The following DDAH1 variants were observed in gnomAD, a reference collection of about 807,000 sequenced individuals.
The protein encoded by DDAH1 is N(G),N(G)-dimethylarginine dimethylaminohydrolase 1.
DDAH1 carries 19 observed loss-of-function variants against 28.8 expected under a neutral mutation model. The ratio of observed to expected loss-of-function variants is 0.66; its 90% CI spans 0.46 to 0.97. DDAH1 has a LOEUF of 0.97. Ranked by LOEUF, DDAH1 falls within the 50% of genes least tolerant of loss-of-function variation. DDAH1 has a pLI of 0.00. For synonymous variants in DDAH1, 153 were observed against 154.4 expected (o/e 0.99, Z 0.07); for missense variants, 326 against 375.9 (o/e 0.87, Z 1.10).
intron 1 of DDAH1, among the ~76,000 whole-genome samples, chr1:85,365,084 T>G (rs956093945): frequency 1.3e-5 from 2 of 152,192 alleles, no homozygotes; most frequent in Non-Finnish European, 2.9e-5. Context: ...TTAACCTTAT[T>G]TAACTTTTAC....
At chr1:85,369,760 G>C (rs889720886) in intron 1 of DDAH1, among the ~76,000 whole-genome samples, 1 of 152,178 alleles carries the variant, frequency 6.6e-6, no homozygotes, top group African/African-American at 2.4e-5. Context: ...AAATATTAGT[G>C]GTAAGTGCTA....
chr1:85,562,963 G>A (rs2100805897), intron 1 of DDAH1, among the ~76,000 whole-genome samples: 1 of 152,192 alleles, frequency 6.6e-6, no homozygotes, highest in East Asian at 1.9e-4. Context: ...TAATAAAACT[G>A]GACAAATTAT....
In DDAH1 at chr1:85,464,442, G is replaced by A; in HGVS notation, c.303+301C>T. On this transcript the variant is annotated intron_variant, in intron 1 of 5. Coordinates refer to ENST00000284031, the MANE Select transcript of DDAH1 (RefSeq NM_012137.4). This position sits in a 1 kb window ranked among gnomAD's most constrained non-coding sequence, Gnocchi z 4.4. ...TCAGAGTTGCACTGTCGTCGCTGCC[G>A]TTTAATTTTCACAAATAAAAATGCC... The A allele has an allele frequency of 4.8e-6, 7 of 1,453,108 alleles. No individual in the cohort carries two copies. The highest frequency in any genetic ancestry group is 6.4e-6 in the Non-Finnish European group (7 of 1,088,924). 90.0% of individuals were successfully genotyped at this position (1,453,108 alleles called of 1,614,324 possible).
intron 1 of DDAH1, among the ~76,000 whole-genome samples, chr1:85,431,543 T>G (rs1203620111): frequency 1.3e-5 from 2 of 151,964 alleles, no homozygotes; most frequent in African/African-American, 4.8e-5. Context: ...TCTCTCCTTC[T>G]TTCCTTCTTC....
intron 1 of DDAH1, among the ~76,000 whole-genome samples, chr1:85,436,910 C>T (rs1653968386): frequency 6.6e-6 from 1 of 152,196 alleles, no homozygotes; most frequent in East Asian, 1.9e-4. Flanking sequence ...GCAAGGTTCA[C>T]AGGTGCCTCC....
chr1:85,444,934 G>GTA (rs60374589), intron 1 of DDAH1, among the ~76,000 whole-genome samples: 2,577 of 152,272 alleles, frequency 0.017, 71 homozygotes, highest in East Asian at 0.12. Flanking sequence ...TAGGCCATTG[G>GTA]TAGGCTGAGG....
intron 1 of DDAH1, among the ~76,000 whole-genome samples, chr1:85,569,587 C>T (rs531736677): frequency 8.2e-4 from 125 of 152,318 alleles, no homozygotes; most frequent in African/African-American, 2.9e-3. Context: ...GAGTTTGTTT[C>T]CAACCCCATC....
chr1:85,387,398 A>G (rs891687438), intron 1 of DDAH1, among the ~76,000 whole-genome samples: 1 of 152,226 alleles, frequency 6.6e-6, no homozygotes, highest in Non-Finnish European at 1.5e-5. Context: ...TTCTTCTACC[A>G]GATAACCTTC....
intron 2 of DDAH1, among the ~76,000 whole-genome samples, chr1:85,476,441 T>A (rs752967617): frequency 2.0e-5 from 3 of 152,322 alleles, no homozygotes; most frequent in South Asian, 2.1e-4. Flanking sequence ...TCCAGCTGAC[T>A]TTCTCACGCA....
intron 1 of DDAH1, among the ~76,000 whole-genome samples, chr1:85,375,310 C>A (rs1650603402): frequency 6.6e-6 from 1 of 151,998 alleles, no homozygotes; most frequent in South Asian, 2.1e-4. Context: ...ACAGAGCAAA[C>A]CCAGAATGCA....
chr1:85,387,545 T>C (rs556993260), intron 1 of DDAH1, among the ~76,000 whole-genome samples: 1 of 152,324 alleles, frequency 6.6e-6, no homozygotes, highest in South Asian at 2.1e-4. Context: ...ATTTGAGACC[T>C]TGTCAGCTGG....
intron 2 of DDAH1, among the ~76,000 whole-genome samples, chr1:85,479,907 C>T (rs1196389625): frequency 1.3e-5 from 2 of 152,182 alleles, no homozygotes; most frequent in African/African-American, 4.8e-5. Flanking sequence ...AACGACTATA[C>T]CCATCTTACA....
At chr1:85,527,525 G>A (rs547028428) in intron 1 of DDAH1, among the ~76,000 whole-genome samples, 2 of 152,270 alleles carry the variant, frequency 1.3e-5, no homozygotes, top group East Asian at 3.9e-4. Flanking sequence ...AGAGATGGAG[G>A]AAGAAATCAT....
chr1:85,464,716 G>T lies in DDAH1; in HGVS notation c.303+27C>A. 6.9e-7 allele frequency: 1 copy of T among 1,449,882 alleles called. No individual in the cohort carries two copies. Among genetic ancestry groups the T allele is most frequent in the African/African-American group, 1.5e-5 (1 of 68,066 alleles). 89.8% of individuals were successfully genotyped at this position (1,449,882 alleles called of 1,614,324 possible). A position where few individuals can be genotyped will look rare whatever the true frequency, so the allele number is the denominator to read the frequency against. ...CGGGGGAGGGCCTGGCGCGCGCCCC[G>T]GCCGCGCCCCTCGAGTCGGCAGTTA... is the stretch of plus-strand genomic sequence containing the variant. On this transcript the variant is annotated intron_variant, in intron 1 of 5. Transcript: ENST00000284031. This position sits in a 1 kb window ranked among gnomAD's most constrained non-coding sequence, Gnocchi z 4.4.
intron 1 of DDAH1, among the ~76,000 whole-genome samples, chr1:85,453,881 A>C (rs1172576087): frequency 6.6e-6 from 1 of 152,238 alleles, no homozygotes; most frequent in Non-Finnish European, 1.5e-5. Flanking sequence ...TGATCTGAGA[A>C]TGACATGAAC....
intron 4 of DDAH1, among the ~76,000 whole-genome samples, chr1:85,338,342 T>C (rs919609949): frequency 6.6e-6 from 1 of 152,202 alleles, no homozygotes. Context: ...AGAGAAAAGT[T>C]AGCATTTCAT....
intron 1 of DDAH1, among the ~76,000 whole-genome samples, chr1:85,378,045 A>G (rs1349391626): frequency 2.6e-5 from 4 of 152,178 alleles, no homozygotes; most frequent in African/African-American, 9.7e-5. Flanking sequence ...TATTTTGCAT[A>G]TTGCCATTTT....
chr1:85,510,345 G>C (rs1439495081), intron 1 of DDAH1, among the ~76,000 whole-genome samples: 1 of 152,274 alleles, frequency 6.6e-6, no homozygotes, highest in Middle Eastern at 3.4e-3. Context: ...AGCTCCTGAA[G>C]GAAGCACTAA....
At chr1:85,486,726 C>T (rs1315965644) in intron 2 of DDAH1, among the ~76,000 whole-genome samples, 2 of 152,108 alleles carry the variant, frequency 1.3e-5, no homozygotes, top group African/African-American at 4.8e-5. Flanking sequence ...AAGGAACACT[C>T]ACTTTAATTT....
Sources: allele counts gnomAD v4.1 joint callset (sites outside exome capture counted in the v4.1 genomes callset), GRCh38; gene constraint gnomAD v4.1.1; non-coding constraint Gnocchi (gnomAD v3.1); transcripts MANE v1.5; gene names NCBI Gene and HGNC (gene_info 2026-07-23, HGNC 2026-07-21).